The following TFDP2 variants were observed in gnomAD, a reference collection of about 807,000 sequenced individuals.
TFDP2 encodes the protein transcription factor Dp-2.
In TFDP2, 17 loss-of-function variants were observed where a neutral mutation model predicts 59.3. The observed-to-expected ratio is 0.29, with a 90% CI of 0.20 to 0.43. The LOEUF is 0.43. Ranked by LOEUF, TFDP2 falls within the 20% of genes least tolerant of loss-of-function variation. The pLI, the probability that TFDP2 is intolerant of heterozygous loss-of-function variation, is 1.00. For missense variants in TFDP2, 391 were observed against 528.8 expected, an observed-to-expected ratio of 0.74 and a Z score of 2.56; for synonymous variants, 180 against 194.7, an observed-to-expected ratio of 0.92 and a Z score of 0.63.
intron 9 of TFDP2, among the ~76,000 whole-genome samples, chr3:141,969,179 TCATATATATGAGATATATATATATAACA>T (rs1939223102): frequency 1.0e-5 from 1 of 96,752 alleles, no homozygotes; most frequent in South Asian, 2.9e-4. Context: ...TATATATATC[TCATATATATGAGATATATATATATAACA>T]TATATATATA....
At chr3:141,990,028 G>A (rs1232180555) in intron 6 of TFDP2, among the ~76,000 whole-genome samples, 1 of 151,838 alleles carries the variant, frequency 6.6e-6, no homozygotes, top group Non-Finnish European at 1.5e-5. Flanking sequence ...CGAATAGCTG[G>A]GATTACAGGC....
intron 4 of TFDP2, among the ~76,000 whole-genome samples, chr3:142,001,409 G>C (rs558397292): frequency 6.6e-6 from 1 of 152,282 alleles, no homozygotes; most frequent in African/African-American, 2.4e-5. Flanking sequence ...AGCGCCTGAA[G>C]CCCCTCTTTT....
chr3:142,064,404 G>C lies in TFDP2; in HGVS notation c.82+28657C>G, dbSNP rs964158217. Reference sequence around the variant, plus strand: ...TGCCCTCTAGGTGACTCTCATGCTTGATAAAATTCGAGAACTACTGACTTA... The same window carrying C: ...TGCCCTCTAGGTGACTCTCATGCTTCATAAAATTCGAGAACTACTGACTTA... On this transcript the variant is annotated intron_variant, in intron 3 of 12. Coordinates refer to ENST00000489671, the MANE Select transcript of TFDP2 (RefSeq NM_001178139.2). Among the ~76,000 whole-genome samples, 3 of 152,058 alleles carry C rather than the reference G, an allele frequency of 2.0e-5. No individual in the cohort carries two copies. In the South Asian group the frequency reaches 6.2e-4, roughly 32 times the overall value.
intron 3 of TFDP2, among the ~76,000 whole-genome samples, chr3:142,021,392 A>G (rs980018921): frequency 2.0e-5 from 3 of 152,232 alleles, no homozygotes; most frequent in Non-Finnish European, 4.4e-5. Flanking sequence ...CTGCCAGAAC[A>G]TAGAGAACTT....
At chr3:142,086,271 C>T (rs115604285) in intron 3 of TFDP2, among the ~76,000 whole-genome samples, 2,670 of 152,278 alleles carry the variant, frequency 0.018, 31 homozygotes, top group Middle Eastern at 0.034. Flanking sequence ...GGGATTTCTC[C>T]CTACTAGCAA....
chr3:142,135,988 C>T (rs2062719768), intron 1 of TFDP2, among the ~76,000 whole-genome samples: 1 of 152,036 alleles, frequency 6.6e-6, no homozygotes, highest in Non-Finnish European at 1.5e-5. Flanking sequence ...ACACTGTCTT[C>T]CACAATGGTT....
chr3:142,146,653 G>C (rs2063189057), intron 1 of TFDP2, among the ~76,000 whole-genome samples: 1 of 152,156 alleles, frequency 6.6e-6, no homozygotes, highest in African/African-American at 2.4e-5. Flanking sequence ...AAATTAGAGA[G>C]GTAACTTAGT....
chr3:142,042,630 CTTTTT>C (rs66981475), intron 3 of TFDP2, among the ~76,000 whole-genome samples: 9 of 108,206 alleles, frequency 8.3e-5, no homozygotes, highest in South Asian at 3.3e-4. Flanking sequence ...CTTTTCTTTT[CTTTTT>C]TTTTTTTTTT....
At chr3:142,043,986 C>T (rs1214359520) in intron 3 of TFDP2, 3 of 712,976 alleles carry the variant, frequency 4.2e-6, no homozygotes, top group South Asian at 3.0e-5. Context: ...GCCTGCCTTC[C>T]GGCGGGCCAA....
rs560863928 is a variant in TFDP2 at position 142,146,509 on chromosome 3, T to C, written c.-93+2674A>G. The stretch of plus-strand genomic sequence containing the variant: ...AACTTACTCAGGGTTACCCAGCTGA[T>C]AAACTGCAGAGCTAGGATCTAAACA... On this transcript the variant is annotated intron_variant, in intron 1 of 12. Transcript: ENST00000489671. Among the ~76,000 whole-genome samples the C allele has an allele frequency of 2.7e-4, 41 of 152,296 alleles. No individual in the cohort carries two copies. The South Asian group carries it at 8.1e-3, about 30-fold the overall frequency.
chr3:142,129,513 T>C (rs1472158433), intron 1 of TFDP2, among the ~76,000 whole-genome samples: 1 of 151,944 alleles, frequency 6.6e-6, no homozygotes, highest in Admixed American at 6.6e-5. Context: ...AGAGTAAAAA[T>C]GCTCCCACTG....
chr3:141,990,644 T>C (rs545343242), intron 6 of TFDP2, among the ~76,000 whole-genome samples: 4 of 152,328 alleles, frequency 2.6e-5, no homozygotes, highest in African/African-American at 9.6e-5. Flanking sequence ...AGTGTTTACA[T>C]CCTGTGGCCA....
At chr3:142,125,578 T>C (rs1215774078) in intron 1 of TFDP2, among the ~76,000 whole-genome samples, 6 of 152,008 alleles carry the variant, frequency 3.9e-5, no homozygotes, top group African/African-American at 7.2e-5. Context: ...AACCCATAAC[T>C]GCGTATCAAT....
Position 142,031,982 on chromosome 3 carries a change from G to C in TFDP2, c.83-26438C>G, listed in dbSNP as rs574738227. Reference sequence around the variant, plus strand: ...ACTACACCTAAAGCAAAAACTTTCTGCTATCACTTGCATGGTTAGGTGCCA... The same window carrying C: ...ACTACACCTAAAGCAAAAACTTTCTCCTATCACTTGCATGGTTAGGTGCCA... On this transcript the variant is annotated intron_variant, in intron 3 of 12. Coordinates refer to ENST00000489671, the MANE Select transcript of TFDP2 (RefSeq NM_001178139.2). Among the ~76,000 whole-genome samples, 234 of 152,282 alleles carry C rather than the reference G, an allele frequency of 1.5e-3. 3 individuals carry two copies. Among genetic ancestry groups the C allele is most frequent in the African/African-American group, 5.0e-3 (206 of 41,558 alleles).
intron 1 of TFDP2, among the ~76,000 whole-genome samples, chr3:142,144,971 A>G (rs1419466634): frequency 1.3e-5 from 2 of 152,230 alleles, no homozygotes; most frequent in Non-Finnish European, 2.9e-5. Context: ...TACACTAAAG[A>G]AGGAATGGTG....
At chr3:142,108,215 C>CA (rs1560151781) in intron 1 of TFDP2, among the ~76,000 whole-genome samples, 2 of 145,474 alleles carry the variant, frequency 1.4e-5, no homozygotes, top group Non-Finnish European at 3.0e-5. Flanking sequence ...TTGCCTTTCT[C>CA]TTTTTTTTTT....
chr3:141,957,464 G>A (rs1356388100), intron 11 of TFDP2, among the ~76,000 whole-genome samples: 1 of 152,066 alleles, frequency 6.6e-6, no homozygotes, highest in African/African-American at 2.4e-5. Flanking sequence ...TCACTCGTAG[G>A]TATATGTTTT....
At chr3:141,989,251 AC>A (rs1942477498) in intron 6 of TFDP2, 1 of 152,212 alleles carries the variant, frequency 6.6e-6, no homozygotes, top group South Asian at 2.1e-4. Context: ...TCTTGTATGC[AC>A]GCTTGTTTTC....
chr3:141,963,613 C>CA (rs1937571285), intron 10 of TFDP2, among the ~76,000 whole-genome samples, 199 bp downstream of exon 10: 2 of 152,166 alleles, frequency 1.3e-5, no homozygotes, highest in Non-Finnish European at 2.9e-5. Context: ...TGGCACAAGA[C>CA]AGGGGACCAC....
Sources: allele counts gnomAD v4.1 joint callset (sites outside exome capture counted in the v4.1 genomes callset), GRCh38; gene constraint gnomAD v4.1.1; transcripts MANE v1.5; gene names NCBI Gene and HGNC (gene_info 2026-07-23, HGNC 2026-07-21).